Variants in SORCS2 observed in about 807,000 individuals in gnomAD.
SORCS2 encodes VPS10 domain-containing receptor SorCS2.
A neutral mutation model predicts 141.6 loss-of-function variants in SORCS2; 100 were observed. The ratio of observed to expected loss-of-function variants is 0.71; its 90% confidence interval spans 0.60 to 0.83. The LOEUF (loss-of-function observed/expected upper bound fraction) is 0.83. Ranked by LOEUF, SORCS2 falls within the 40% of genes least tolerant of loss-of-function variation. SORCS2 has a pLI of 0.00. For missense variants in SORCS2, 1,646 were observed against 1,560.2 expected, an observed-to-expected ratio of 1.05 and a Z score of -0.93; for synonymous variants, 789 against 676.9, an observed-to-expected ratio of 1.17 and a Z score of -2.57.
chr4:7,661,408 G>A (rs1488195579), intron 5 of SORCS2, 92 bp from the exon 6 acceptor site: 1 of 1,383,834 alleles, frequency 7.2e-7, no homozygotes, highest in African/African-American at 1.4e-5. Context: ...CAGAACCAGG[G>A]AGGCCACGTG....
At chr4:7,709,834 C>T (rs1179961564) in intron 14 of SORCS2, among the ~76,000 whole-genome samples, 1 of 152,196 alleles carries the variant, frequency 6.6e-6, no homozygotes, top group Non-Finnish European at 1.5e-5. Context: ...AGCCTCAGAG[C>T]AGGGAGGGGT....
intron 1 of SORCS2, among the ~76,000 whole-genome samples, chr4:7,244,814 C>T (rs1271276303): frequency 1.3e-5 from 2 of 152,220 alleles, no homozygotes; most frequent in African/African-American, 2.4e-5. Context: ...GGCTGCTCAG[C>T]AGCTTTTGTT....
chr4:7,292,363 TC>T (rs1716669669), intron 1 of SORCS2, among the ~76,000 whole-genome samples: 1 of 151,880 alleles, frequency 6.6e-6, no homozygotes, highest in Non-Finnish European at 1.5e-5. Context: ...ACCCCACAGC[TC>T]CCATCACTGC....
At chr4:7,528,982 T>A (rs1733865211) in intron 2 of SORCS2, among the ~76,000 whole-genome samples, 1 of 152,224 alleles carries the variant, frequency 6.6e-6, no homozygotes, top group South Asian at 2.1e-4. Flanking sequence ...CTTCTCTGTG[T>A]CTGTGTCCCA....
At chr4:7,530,892 A>T (rs1237488084) in intron 2 of SORCS2, among the ~76,000 whole-genome samples, 1 of 152,166 alleles carries the variant, frequency 6.6e-6, no homozygotes, top group Non-Finnish European at 1.5e-5. Context: ...AGTCCAGCAG[A>T]TGCCACTCCA....
chr4:7,269,267 C>T (rs1455988209), intron 1 of SORCS2, among the ~76,000 whole-genome samples: 1 of 152,166 alleles, frequency 6.6e-6, no homozygotes, highest in Admixed American at 6.5e-5. Context: ...AGCAAAGGTC[C>T]TGAGTGAGAC....
intron 7 of SORCS2, among the ~76,000 whole-genome samples, chr4:7,665,846 C>T (rs1288671524): frequency 6.6e-6 from 1 of 152,190 alleles, no homozygotes; most frequent in Non-Finnish European, 1.5e-5. Context: ...ACAGGCTCGC[C>T]TGTCAAAGCC....
chr4:7,381,764 C>A (rs1447758916), intron 1 of SORCS2: 5 of 203,816 alleles, frequency 2.5e-5, no homozygotes, highest in Non-Finnish European at 2.6e-5. Flanking sequence ...CACTGACATT[C>A]CAGCCCCAGT....
rs1712072615 is a variant in SORCS2 at position 7,233,802 on chromosome 4, G to A, written c.480+40676G>A. 1.3e-5 allele frequency among the ~76,000 whole-genome samples: 2 copies of A among 152,202 alleles called. No homozygotes were observed. Among genetic ancestry groups the A allele is most frequent in the Non-Finnish European group, 2.9e-5 (2 of 68,030 alleles). ...CCTGCACGCCTCAGTTTTCCTGTCT[G>A]TAAAATGGGTGCCGTGGTGCAAACA... On this transcript the variant is annotated intron_variant, in intron 1 of 26. Coordinates refer to ENST00000507866, the MANE Select transcript of SORCS2 (RefSeq NM_020777.3). This position sits in a 1 kb window ranked among gnomAD's most constrained non-coding sequence, Gnocchi z 4.5.
chr4:7,295,581 G>T (rs1716992339), intron 1 of SORCS2, among the ~76,000 whole-genome samples: 1 of 152,192 alleles, frequency 6.6e-6, no homozygotes, highest in African/African-American at 2.4e-5. Flanking sequence ...GCGCTGGTGG[G>T]GGCTGGACTC....
intron 1 of SORCS2, among the ~76,000 whole-genome samples, chr4:7,234,149 C>T (rs1365016586): frequency 6.6e-6 from 1 of 152,180 alleles, no homozygotes; most frequent in East Asian, 1.9e-4. Flanking sequence ...TTTGGGCTGT[C>T]ATCACAGTGG....
intron 19 of SORCS2, among the ~76,000 whole-genome samples, chr4:7,724,127 G>GTGA (rs1726809094): frequency 7.2e-6 from 1 of 138,974 alleles, no homozygotes; most frequent in Non-Finnish European, 1.5e-5. Context: ...GGTGGTGGTG[G>GTGA]TGGTGGTGGT....
At chr4:7,443,119 T>C (rs4356912) in intron 2 of SORCS2, among the ~76,000 whole-genome samples, 36,816 of 152,070 alleles carry the variant, frequency 0.24, 5,356 homozygotes, top group East Asian at 0.44. Flanking sequence ...TCATCTCAAC[T>C]AATTACATCT....
chr4:7,231,390 A>G (rs746722945), intron 1 of SORCS2, among the ~76,000 whole-genome samples: 1 of 152,240 alleles, frequency 6.6e-6, no homozygotes, highest in Admixed American at 6.5e-5. Context: ...AGAAATACCC[A>G]GAATAATGTT....
chr4:7,729,884 G>A (rs1027791502), intron 23 of SORCS2, among the ~76,000 whole-genome samples, 172 bp downstream of exon 23: 4 of 152,164 alleles, frequency 2.6e-5, no homozygotes, highest in Non-Finnish European at 5.9e-5. Context: ...TACGCCCTCT[G>A]GAAGTCACAC....
chr4:7,532,118 C>A (rs529305488), intron 3 of SORCS2, among the ~76,000 whole-genome samples: 1 of 152,136 alleles, frequency 6.6e-6, no homozygotes, highest in Non-Finnish European at 1.5e-5. Context: ...GCTGGCTGTA[C>A]AATAGGAGAG....
chr4:7,436,033 A>G (rs1366916639), intron 2 of SORCS2, among the ~76,000 whole-genome samples: 1 of 152,256 alleles, frequency 6.6e-6, no homozygotes, highest in Non-Finnish European at 1.5e-5. Flanking sequence ...GCAATAGTGC[A>G]GGGTGCTTCC....
At chr4:7,310,662 C>T (rs748011807) in intron 1 of SORCS2, 3 of 153,580 alleles carry the variant, frequency 2.0e-5, no homozygotes, top group African/African-American at 7.2e-5. Flanking sequence ...CACCCCAGGG[C>T]GGGGGCACAA....
intron 1 of SORCS2, among the ~76,000 whole-genome samples, chr4:7,337,317 G>A (rs527643082): frequency 2.0e-5 from 3 of 152,272 alleles, no homozygotes; most frequent in South Asian, 2.1e-4. Flanking sequence ...TCTGCTGGCC[G>A]AGAGAAGCAC....
Sources: allele counts gnomAD v4.1 joint callset (sites outside exome capture counted in the v4.1 genomes callset), GRCh38; gene constraint gnomAD v4.1.1; non-coding constraint Gnocchi (gnomAD v3.1); transcripts MANE v1.5; gene names NCBI Gene and HGNC (gene_info 2026-07-23, HGNC 2026-07-21).